The following CHM variants were observed in gnomAD, a reference collection of about 807,000 sequenced individuals.
CHM encodes the protein CHM Rab escort protein, also known as rab proteins geranylgeranyltransferase component A 1.
A neutral mutation model predicts 49.0 loss-of-function variants in CHM; 10 were observed. That is an observed-to-expected ratio of 0.20 (90% CI 0.13 to 0.35). CHM has a LOEUF of 0.35. Among genes scored for constraint, CHM ranks in the 10% least tolerant of loss-of-function variants. The pLI is 1.00. For missense variants in CHM, 455 were observed against 478.4 expected (o/e 0.95, Z 0.46); for synonymous variants, 184 against 167.5 (o/e 1.10, Z -0.76).
At chrX:85,913,661 G>A (rs1223519949) in intron 8 of CHM, among the ~76,000 whole-genome samples, 1 of 111,120 alleles carries the variant, frequency 9.0e-6, no homozygotes, top group African/African-American at 3.3e-5. Flanking sequence ...AATTTGTGTT[G>A]TTATAAGCTA....
intron 2 of CHM, among the ~76,000 whole-genome samples, chrX:85,986,106 C>A (rs180832931): frequency 2.7e-5 from 3 of 111,107 alleles, no homozygotes; most frequent in African/African-American, 9.8e-5. Flanking sequence ...GGGGTCAGTC[C>A]ATTTCCCATA....
intron 1 of CHM, among the ~76,000 whole-genome samples, chrX:86,046,809 G>T (rs1239789872): frequency 9.0e-6 from 1 of 111,625 alleles, no homozygotes; most frequent in African/African-American, 3.3e-5. Context: ...TCACACACCT[G>T]AACTGGAACT....
At chrX:85,908,660 A>T (rs1926747757) in intron 9 of CHM, among the ~76,000 whole-genome samples, 1 of 111,375 alleles carries the variant, frequency 9.0e-6, no homozygotes, top group African/African-American at 3.3e-5. Context: ...TAAATTTTCC[A>T]GGAAGAGATT....
intron 1 of CHM, among the ~76,000 whole-genome samples, chrX:86,041,676 G>GTATATATATATATGTTTATGTATTTA (rs1351813724): frequency 1.3e-5 from 1 of 78,334 alleles, no homozygotes; most frequent in East Asian, 3.9e-4. Context: ...ACATATGTGT[G>GTATATATATATATGTTTATGTATTTA]TATGTGTGTT....
rs567264410 is a variant in CHM at position 86,006,184 on chromosome X, G to A, written c.116+21307C>T. 7.2e-5 allele frequency among the ~76,000 whole-genome samples: 8 copies of A among 111,740 alleles called. No homozygotes were observed. In the Middle Eastern group the frequency reaches 0.014, roughly 192 times the overall value. On this transcript the variant is annotated intron_variant, in intron 2 of 14. Transcript: ENST00000357749. ...AAACCACATGATTATCTCAAGAGGT[G>A]CAGAAAAGGCCTTTGACAAAATTTA...
Position 86,047,472 on chromosome X carries a change from G to C in CHM, c.49+12C>G, listed in dbSNP as rs753738146. On this transcript the variant is annotated intron_variant, in intron 1 of 14. Coordinates refer to ENST00000357749, the MANE Select transcript of CHM (RefSeq NM_000390.4). Reference sequence around the variant, plus strand: ...CCTAAACTTTGTCCAGGAAGCACCAGGCTACACATACCCGTCCCTATTACG... The same window carrying C: ...CCTAAACTTTGTCCAGGAAGCACCACGCTACACATACCCGTCCCTATTACG... 1.7e-6 allele frequency: 2 copies of C among 1,204,553 alleles called. No homozygotes were observed. Among genetic ancestry groups the C allele is most frequent in the South Asian group, 3.5e-5 (2 of 56,584 alleles).
chrX:85,923,899 A>T (rs763820081), intron 8 of CHM, among the ~76,000 whole-genome samples: 1 of 110,991 alleles, frequency 9.0e-6, no homozygotes, highest in Non-Finnish European at 1.9e-5. Flanking sequence ...AGCAGAAAGA[A>T]AATGAAATTT....
intron 7 of CHM, 59 bp downstream of exon 7, chrX:85,957,796 A>C (rs1488158437): frequency 8.5e-7 from 1 of 1,170,245 alleles, no homozygotes; most frequent in Non-Finnish European, 1.2e-6. Flanking sequence ...CAGAGCAAGC[A>C]TATTAAAATA....
rs587776746 is a variant in CHM at position 85,878,986 on chromosome X, GAACA to G, written c.1584_1587del (p.Val529HisfsTer7). On this transcript the variant is annotated frameshift_variant, in exon 13 of 15. Transcript: ENST00000357749. LOFTEE classifies it high-confidence loss of function. ...TTACCTATCTCCATTTCAGTATATG[GAACA>G]AACAATTTCTGCACAACTGATTCTA... The G allele has an allele frequency of 1.7e-6, 2 of 1,193,911 alleles. No homozygotes were observed. Among genetic ancestry groups the G allele is most frequent in the Non-Finnish European group, 2.3e-6 (2 of 882,624 alleles).
chrX:85,984,711 G>A (rs1181687668), intron 2 of CHM, among the ~76,000 whole-genome samples: 1 of 111,630 alleles, frequency 9.0e-6, no homozygotes, highest in Non-Finnish European at 1.9e-5. Context: ...TCCATCAACA[G>A]GAGAATGAAT....
chrX:86,046,152 C>T (rs1267814194), intron 1 of CHM, among the ~76,000 whole-genome samples: 3 of 111,925 alleles, frequency 2.7e-5, no homozygotes, highest in African/African-American at 9.7e-5. Flanking sequence ...AGTGCCTGGC[C>T]CTCCCAATTC....
rs750474797 is a variant in CHM, at chrX:85,981,818, A to AT, written c.117-10dup. On this transcript the variant is annotated splice_polypyrimidine_tract_variant and intron_variant, in intron 2 of 14. Coordinates refer to ENST00000357749, the MANE Select transcript of CHM (RefSeq NM_000390.4). ...CTCCATAGTAGCTTCTTCTGTAACA[A>AT]TTAAAAAAAAAAAAAAAAGTAAAGA... The AT allele has an allele frequency of 6.6e-6, 7 of 1,064,396 alleles. No homozygotes were observed. The highest frequency in any genetic ancestry group is 7.5e-6 in the Non-Finnish European group (6 of 795,816). The allele number at this position is 1,064,396 out of a possible 1,213,427, so 87.7% of individuals were successfully genotyped here. A position where few individuals can be genotyped will look rare whatever the true frequency, so the allele number is the denominator to read the frequency against.
intron 9 of CHM, among the ~76,000 whole-genome samples, chrX:85,909,733 T>TA (rs1426357039): frequency 8.9e-6 from 1 of 111,877 alleles, no homozygotes; most frequent in Non-Finnish European, 1.9e-5. Flanking sequence ...AGCATACCTT[T>TA]AAAAAACAAA....
chrX:85,913,062 C>T (rs1255228231), intron 8 of CHM, among the ~76,000 whole-genome samples: 1 of 98,302 alleles, frequency 1.0e-5, no homozygotes, highest in Non-Finnish European at 2.0e-5. Flanking sequence ...GCAGGGCCCA[C>T]GCCTGTAATC....
chrX:86,025,749 C>T (rs192845600), intron 2 of CHM, among the ~76,000 whole-genome samples: 1 of 106,729 alleles, frequency 9.4e-6, no homozygotes, highest in Non-Finnish European at 1.9e-5. Flanking sequence ...CATACCTACA[C>T]ACAAAGTAAA....
intron 8 of CHM, among the ~76,000 whole-genome samples, chrX:85,936,644 AAGT>A (rs1928797822): frequency 8.9e-6 from 1 of 112,399 alleles, no homozygotes; most frequent in Non-Finnish European, 1.9e-5. Flanking sequence ...TTCCCTTCCA[AAGT>A]AGAAGGTAAA....
rs529468043 is a variant in CHM, at chrX:85,979,344, T to C, written c.190-453A>G. ...CTATTTATTTTCAGATCTTTGAAGGTTGGTCGCTAGTCATATCAAATTTTG... is the reference window on the plus strand; with the variant it reads ...CTATTTATTTTCAGATCTTTGAAGGCTGGTCGCTAGTCATATCAAATTTTG... On this transcript the variant is annotated intron_variant, in intron 3 of 14. Transcript: ENST00000357749. Among the ~76,000 whole-genome samples the C allele has an allele frequency of 4.5e-5, 5 of 111,282 alleles. No homozygotes were observed. The South Asian group carries it at 1.9e-3, about 42-fold the overall frequency.
At position 85,864,544 on chromosome X, in the gene CHM, A is replaced by C; in HGVS notation, c.*86T>G. 1 of 841,579 alleles carries C rather than the reference A, an allele frequency of 1.2e-6. No homozygotes were observed. Among genetic ancestry groups the C allele is most frequent in the East Asian group, 3.3e-5 (1 of 30,188 alleles). 69.4% of individuals were successfully genotyped at this position (841,579 alleles called of 1,213,427 possible). A position where few individuals can be genotyped will look rare whatever the true frequency, so the allele number is the denominator to read the frequency against. On this transcript the variant is annotated 3_prime_UTR_variant, in exon 15 of 15. Transcript: ENST00000357749. ...GCCTTATAATTGCTGCTGCTTTCTA[A>C]CATTTCTCAAACAGTCCTTCTATCA... is the stretch of plus-strand genomic sequence containing the variant.
intron 9 of CHM, among the ~76,000 whole-genome samples, chrX:85,907,920 T>C (rs769347320): frequency 5.4e-5 from 6 of 111,710 alleles, no homozygotes; most frequent in Non-Finnish European, 1.1e-4. Flanking sequence ...ATAGAGAACT[T>C]ATAAAATGAT....
Sources: allele counts gnomAD v4.1 joint callset (sites outside exome capture counted in the v4.1 genomes callset), GRCh38; gene constraint gnomAD v4.1.1; transcripts MANE v1.5; gene names NCBI Gene and HGNC (gene_info 2026-07-23, HGNC 2026-07-21).